CSMD1: variants seen among roughly 807,000 people sequenced by gnomAD.
CSMD1 encodes the protein CUB and Sushi multiple domains 1.
In CSMD1, 213 loss-of-function variants were observed where a neutral mutation model predicts 417.5. That is an observed-to-expected ratio of 0.51 (90% CI 0.46 to 0.57). The LOEUF is 0.57. Among genes scored for constraint, CSMD1 ranks in the 20% least tolerant of loss-of-function variants. The pLI is 0.00. For synonymous variants in CSMD1, 2,862 were observed against 1,736.8 expected (o/e 1.65, Z -16.11); for missense variants, 6,923 against 4,529.7 (o/e 1.53, Z -15.17).
chr8:3,096,979 C>A lies in CSMD1; in HGVS notation c.7008G>T (p.Gly2336=), dbSNP rs775597713. 6 of 1,555,634 alleles carry A rather than the reference C, an allele frequency of 3.9e-6. No individual in the cohort carries two copies. The highest frequency in any genetic ancestry group is 5.2e-6 in the Non-Finnish European group (6 of 1,148,754). ...TGSSGVILSP[G]YPGNYFNSQT... is the part of the protein sequence containing the mutation. ...GGGAGTTAAAATAATTACCCGGATA[C>A]CCTGGACTGAGAATGACTCCCGATG... The change falls in exon 47 of 70, where the codon GGG becomes GGT. Residue 2336 remains glycine, a synonymous_variant. Coordinates refer to ENST00000635120, the MANE Select transcript of CSMD1 (RefSeq NM_033225.6).
chr8:4,510,385 A>C, intron 2 of CSMD1, among the ~76,000 whole-genome samples: 1 of 140,042 alleles, frequency 7.1e-6, no homozygotes, highest in Non-Finnish European at 1.5e-5. Context: ...AAAAAGCATA[A>C]TGCCTAAAAA....
Position 3,915,015 on chromosome 8 carries a change from G to A in CSMD1, c.818+82888C>T, listed in dbSNP as rs565890997. On this transcript the variant is annotated intron_variant, in intron 5 of 69. Transcript: ENST00000635120. ...CCTTCACACACATACAAGTGTTCAG[G>A]ATGAGGAGATTCTACAAACACATCC... 1.1e-4 allele frequency among the ~76,000 whole-genome samples: 16 copies of A among 152,254 alleles called. No homozygotes were observed. In the South Asian group the frequency reaches 3.1e-3, roughly 30 times the overall value.
Position 3,778,567 on chromosome 8 carries a change from T to G in CSMD1, c.819-24525A>C, listed in dbSNP as rs559890730. 6.0e-4 allele frequency among the ~76,000 whole-genome samples: 91 copies of G among 152,296 alleles called. 1 individual carries two copies. Among genetic ancestry groups the G allele is most frequent in the African/African-American group, 2.1e-3 (86 of 41,566 alleles). ...ACGCTCTTGCCTGGGGTTTATTTTC[T>G]GAGATTCTCTAGCAGAAAAGAGCAT... On this transcript the variant is annotated intron_variant, in intron 5 of 69. Transcript: ENST00000635120.
chr8:3,992,679 G>C (rs1401214180), intron 5 of CSMD1, among the ~76,000 whole-genome samples: 2 of 152,182 alleles, frequency 1.3e-5, no homozygotes, highest in South Asian at 4.1e-4. Flanking sequence ...TACAAGGAAT[G>C]CTAAGGTGGA....
At chr8:3,971,553 G>T (rs1818557823) in intron 5 of CSMD1, among the ~76,000 whole-genome samples, 1 of 152,112 alleles carries the variant, frequency 6.6e-6, no homozygotes, top group South Asian at 2.1e-4. Context: ...CAAAGTCAAT[G>T]AAAAATTAAA....
At chr8:4,788,912 T>C (rs756886633) in intron 1 of CSMD1, among the ~76,000 whole-genome samples, 4 of 152,236 alleles carry the variant, frequency 2.6e-5, no homozygotes, top group East Asian at 1.9e-4. Context: ...GTGTTGGAGG[T>C]TGGCAGCATA....
intron 3 of CSMD1, among the ~76,000 whole-genome samples, chr8:4,120,380 G>A (rs768817498): frequency 1.3e-5 from 2 of 152,136 alleles, no homozygotes; most frequent in African/African-American, 2.4e-5. Context: ...TTAGACTAAT[G>A]CCAACATGCT....
chr8:2,963,088 T>A lies in CSMD1; in HGVS notation c.9454+134A>T, dbSNP rs185543626. On this transcript the variant is annotated intron_variant, in intron 60 of 69. Coordinates refer to ENST00000635120, the MANE Select transcript of CSMD1 (RefSeq NM_033225.6). ...CCCTTAGGCAACACAGTCTCAAGTTTGAGTTTTTGTGTATTTTAGGGCTAT... is the reference window on the plus strand; with the variant it reads ...CCCTTAGGCAACACAGTCTCAAGTTAGAGTTTTTGTGTATTTTAGGGCTAT... 1.7e-4 allele frequency: 161 copies of A among 948,000 alleles called. 5 individuals carry two copies. The highest frequency in any genetic ancestry group is 1.0e-3 in the East Asian group (40 of 39,936). The allele number at this position is 948,000 out of a possible 1,614,324, so 58.7% of individuals were successfully genotyped here.
At chr8:3,226,307 A>C (rs1362644311) in intron 27 of CSMD1, among the ~76,000 whole-genome samples, 1 of 152,104 alleles carries the variant, frequency 6.6e-6, no homozygotes, top group Non-Finnish European at 1.5e-5. Context: ...TTGAAGCCGA[A>C]CGTGGTGGCT....
chr8:4,125,414 C>A (rs1802705216), intron 3 of CSMD1, among the ~76,000 whole-genome samples: 1 of 152,144 alleles, frequency 6.6e-6, no homozygotes, highest in South Asian at 2.1e-4. Flanking sequence ...TGGACGAAAC[C>A]AATGCACATC....
chr8:3,457,126 C>A (rs1043590923), intron 12 of CSMD1, among the ~76,000 whole-genome samples: 3 of 151,720 alleles, frequency 2.0e-5, no homozygotes, highest in Non-Finnish European at 4.4e-5. Flanking sequence ...ACCCAGGCCT[C>A]TCCTCCCGTA....
intron 3 of CSMD1, among the ~76,000 whole-genome samples, chr8:4,376,047 C>T (rs986627755): frequency 1.3e-5 from 2 of 152,132 alleles, no homozygotes; most frequent in Admixed American, 6.6e-5. Flanking sequence ...GTCTTGATAT[C>T]TATACTGAAG....
At chr8:4,586,837 G>C (rs1585291599) in intron 2 of CSMD1, among the ~76,000 whole-genome samples, 1 of 152,176 alleles carries the variant, frequency 6.6e-6, no homozygotes, top group Non-Finnish European at 1.5e-5. Flanking sequence ...CGCACAGTAG[G>C]ATCATGGCAG....
chr8:3,151,426 G>C lies in CSMD1; in HGVS notation c.6002C>G (p.Thr2001Ser). The change falls in exon 40 of 70, where the codon ACC becomes AGC. Residue 2001 changes from threonine to serine, a missense_variant. Thr to Ser is a moderately conservative substitution (Grantham distance 58). Coordinates refer to ENST00000635120, the MANE Select transcript of CSMD1 (RefSeq NM_033225.6). Reference sequence around the variant, plus strand: ...GCCGATGGGTAATGAGATCCTCCAGGTGCAGTCTAAGTTGTTGGGGTAAGA... The same window carrying C: ...GCCGATGGGTAATGAGATCCTCCAGCTGCAGTCTAAGTTGTTGGGGTAAGA... ...PGSYPNNLDCTWRISLPIGYG... is the reference protein window; with the variant it reads ...PGSYPNNLDCSWRISLPIGYG... 6.2e-7 allele frequency: 1 copy of C among 1,613,286 alleles called. No homozygotes were observed. Among genetic ancestry groups the C allele is most frequent in the Non-Finnish European group, 8.5e-7 (1 of 1,179,388 alleles).
rs182582062 is a variant in CSMD1, at chr8:3,393,696, G to A, written c.2593+2498C>T. 5.4e-3 allele frequency among the ~76,000 whole-genome samples: 824 copies of A among 151,936 alleles called. 6 individuals carry two copies. Among genetic ancestry groups the A allele is most frequent in the African/African-American group, 0.018 (748 of 41,450 alleles). On this transcript the variant is annotated intron_variant, in intron 17 of 69. Transcript: ENST00000635120. ...GAGTTCATGTCTTTTGTAGGGACAT[G>A]GATGAAGCTGGAAACCATCATTCTC...
Position 3,728,200 on chromosome 8 carries a change from G to C in CSMD1, c.932-19709C>G, listed in dbSNP as rs141439870. Among the ~76,000 whole-genome samples the C allele has an allele frequency of 4.6e-5, 7 of 152,274 alleles. No homozygotes were observed. In the East Asian group the frequency reaches 1.2e-3, roughly 25 times the overall value. On this transcript the variant is annotated intron_variant, in intron 6 of 69. Coordinates refer to ENST00000635120, the MANE Select transcript of CSMD1 (RefSeq NM_033225.6). ...ATACTGTTCTCATGGTAGTGAATAA[G>C]TCTCATGTGATCTGATGGTTTTACA...
intron 3 of CSMD1, among the ~76,000 whole-genome samples, chr8:4,045,142 T>A (rs1040803970): frequency 3.9e-5 from 6 of 152,154 alleles, no homozygotes; most frequent in African/African-American, 1.4e-4. Context: ...CCCTCCCACC[T>A]GCAGCGGCCA....
chr8:3,810,102 G>A (rs1286419878), intron 5 of CSMD1, among the ~76,000 whole-genome samples: 1 of 152,100 alleles, frequency 6.6e-6, no homozygotes, highest in South Asian at 2.1e-4. Context: ...TTATTCAGCT[G>A]TCTTTCTGCC....
chr8:4,312,986 G>C (rs947610111), intron 3 of CSMD1, among the ~76,000 whole-genome samples: 2 of 151,952 alleles, frequency 1.3e-5, no homozygotes, highest in African/African-American at 4.8e-5. Flanking sequence ...TAAGTTTTGC[G>C]GGGAAATGAA....
Sources: allele counts gnomAD v4.1 joint callset (sites outside exome capture counted in the v4.1 genomes callset), GRCh38; gene constraint gnomAD v4.1.1; transcripts MANE v1.5; gene names NCBI Gene and HGNC (gene_info 2026-07-23, HGNC 2026-07-21).